OSTN: variants seen among roughly 807,000 people sequenced by gnomAD.
OSTN encodes the protein osteocrin.
A neutral mutation model predicts 12.0 loss-of-function variants in OSTN; 9 were observed. The observed-to-expected ratio is 0.75, with a 90% CI of 0.45 to 1.30. OSTN has a LOEUF of 1.30. Among genes scored for constraint, OSTN ranks in the 50% most tolerant of loss-of-function variants. OSTN has a pLI of 0.00. For synonymous variants in OSTN, 59 were observed against 56.9 expected (o/e 1.04, Z -0.16); for missense variants, 148 against 152.3 (o/e 0.97, Z 0.15).
Position 191,262,868 on chromosome 3 carries a change from G to A in OSTN, c.*15G>A, listed in dbSNP as rs1274625395. 1 of 702,182 alleles carries A rather than the reference G, an allele frequency of 1.4e-6. No individual in the cohort carries two copies. Among genetic ancestry groups the A allele is most frequent in the Non-Finnish European group, 2.6e-6 (1 of 384,484 alleles). 43.5% of individuals were successfully genotyped at this position (702,182 alleles called of 1,614,324 possible). A position where few individuals can be genotyped will look rare whatever the true frequency, so the allele number is the denominator to read the frequency against. On this transcript the variant is annotated splice_region_variant and 3_prime_UTR_variant, in exon 5 of 5. Coordinates refer to ENST00000682035, the MANE Select transcript of OSTN (RefSeq NM_198184.2). ...AATCTCAACTTTCGTTTTTGCAGATGCAACTTCCTTGGGTGAAATGTCACA... is the reference window on the plus strand; with the variant it reads ...AATCTCAACTTTCGTTTTTGCAGATACAACTTCCTTGGGTGAAATGTCACA...
At chr3:191,240,572 A>G (rs79320713) in intron 3 of OSTN, among the ~76,000 whole-genome samples, 1,706 of 152,322 alleles carry the variant, frequency 0.011, 26 homozygotes, top group African/African-American at 0.033. Flanking sequence ...GTTCTCACAC[A>G]CTTTTTGTGC....
intron 3 of OSTN, among the ~76,000 whole-genome samples, chr3:191,241,831 A>G (rs1715328348): frequency 6.6e-6 from 1 of 152,234 alleles, no homozygotes; most frequent in South Asian, 2.1e-4. Context: ...AATAAATAAC[A>G]GAAGGATAAC....
At chr3:191,219,962 C>G (rs543813150) in intron 3 of OSTN, among the ~76,000 whole-genome samples, 1 of 152,158 alleles carries the variant, frequency 6.6e-6, no homozygotes, top group Admixed American at 6.6e-5. Flanking sequence ...ATCCTGTACT[C>G]GGCTAGCAGG....
At chr3:191,224,609 C>A (rs1714863995) in intron 3 of OSTN, among the ~76,000 whole-genome samples, 3 of 151,906 alleles carry the variant, frequency 2.0e-5, no homozygotes, top group Non-Finnish European at 4.4e-5. Context: ...GACAAACAAA[C>A]CTTAGGATAT....
At chr3:191,219,551 A>G (rs1462774137) in intron 3 of OSTN, among the ~76,000 whole-genome samples, 1 of 152,220 alleles carries the variant, frequency 6.6e-6, no homozygotes, top group African/African-American at 2.4e-5. Flanking sequence ...AATCAAATGT[A>G]AGTGCTTCAT....
chr3:191,211,282 A>G (rs1714410926), intron 1 of OSTN, among the ~76,000 whole-genome samples: 1 of 152,206 alleles, frequency 6.6e-6, no homozygotes, highest in Non-Finnish European at 1.5e-5. Flanking sequence ...TGTTTTTTTG[A>G]AATCCATGCA....
At chr3:191,199,611 C>T (rs2108586061) in intron 1 of OSTN, among the ~76,000 whole-genome samples, 1 of 152,042 alleles carries the variant, frequency 6.6e-6, no homozygotes, top group African/African-American at 2.4e-5. Context: ...CGTTATTTTG[C>T]TTTCCTCAAA....
At chr3:191,260,877 C>T (rs1046464950) in intron 4 of OSTN, among the ~76,000 whole-genome samples, 1 of 152,156 alleles carries the variant, frequency 6.6e-6, no homozygotes, top group Non-Finnish European at 1.5e-5. Context: ...AGAGATCAAA[C>T]AATATGAATA....
At chr3:191,261,725 T>C (rs1715814660) in intron 4 of OSTN, among the ~76,000 whole-genome samples, 1 of 152,254 alleles carries the variant, frequency 6.6e-6, no homozygotes, top group Admixed American at 6.5e-5. Flanking sequence ...GAAAGGACGA[T>C]AATTTGCTAT....
chr3:191,241,577 C>T (rs543422268), intron 3 of OSTN, among the ~76,000 whole-genome samples: 1 of 152,080 alleles, frequency 6.6e-6, no homozygotes, highest in Non-Finnish European at 1.5e-5. Context: ...GAACATTTTC[C>T]ACACTCTGAT....
intron 3 of OSTN, among the ~76,000 whole-genome samples, chr3:191,236,199 T>G (rs1184502847): frequency 6.6e-6 from 1 of 152,174 alleles, no homozygotes. Flanking sequence ...ACATACTTTC[T>G]CTCTTTCTGT....
At chr3:191,256,700 A>G (rs1359033216) in intron 4 of OSTN, among the ~76,000 whole-genome samples, 2 of 151,870 alleles carry the variant, frequency 1.3e-5, no homozygotes, top group Non-Finnish European at 2.9e-5. Context: ...CTATATTAAA[A>G]GATTATTCAA....
At chr3:191,206,309 C>A (rs1260201668) in intron 1 of OSTN, among the ~76,000 whole-genome samples, 1 of 152,026 alleles carries the variant, frequency 6.6e-6, no homozygotes, top group Non-Finnish European at 1.5e-5. Context: ...ATAAGCATAT[C>A]AATTTAATTG....
Position 191,218,901 on chromosome 3 carries a change from G to T in OSTN, c.257G>T (p.Gly86Val). The T allele has an allele frequency of 1.2e-6, 2 of 1,614,116 alleles. No individual in the cohort carries two copies. The highest frequency in any genetic ancestry group is 1.7e-6 in the Non-Finnish European group (2 of 1,179,992). The change falls in exon 3 of 5, where the codon GGT (glycine) becomes GTT (valine). Residue 86 changes from glycine to valine, a missense_variant. Gly to Val is a moderately radical substitution (Grantham distance 109, BLOSUM62 -3). Coordinates refer to ENST00000682035, the MANE Select transcript of OSTN (RefSeq NM_198184.2). ...IETKKKRSFS[G>V]FGSPLDRLSA... is the part of the protein sequence containing the mutation. Reference sequence around the variant, plus strand: ...ACAAAGAAGAAAAGGAGTTTCTCTGGTTTTGGGTCTCCCCTTGACAGACTC... The same window carrying T: ...ACAAAGAAGAAAAGGAGTTTCTCTGTTTTTGGGTCTCCCCTTGACAGACTC...
intron 3 of OSTN, among the ~76,000 whole-genome samples, chr3:191,237,639 C>T (rs187891788): frequency 2.0e-4 from 31 of 152,314 alleles, no homozygotes; most frequent in Non-Finnish European, 1.0e-4. Flanking sequence ...TTAAATGCCA[C>T]CTTTTGACCT....
chr3:191,209,603 A>G (rs1714367828), intron 1 of OSTN, among the ~76,000 whole-genome samples: 2 of 152,252 alleles, frequency 1.3e-5, no homozygotes, highest in Admixed American at 1.3e-4. Context: ...GCATGTCAAA[A>G]TTATATTTGA....
At chr3:191,223,698 A>G (rs1714828193) in intron 3 of OSTN, among the ~76,000 whole-genome samples, 1 of 152,170 alleles carries the variant, frequency 6.6e-6, no homozygotes, top group Non-Finnish European at 1.5e-5. Flanking sequence ...TTATTATATA[A>G]AAATATTAAT....
chr3:191,228,048 G>T (rs1018753951), intron 3 of OSTN, among the ~76,000 whole-genome samples: 1 of 151,966 alleles, frequency 6.6e-6, no homozygotes, highest in Non-Finnish European at 1.5e-5. Context: ...AACTATCTCA[G>T]AATAGCAATA....
intron 3 of OSTN, among the ~76,000 whole-genome samples, chr3:191,231,868 A>G (rs1475037901): frequency 2.0e-5 from 3 of 152,202 alleles, no homozygotes; most frequent in Non-Finnish European, 4.4e-5. Flanking sequence ...CCCTTCTCAG[A>G]GTATTGTTTT....
Sources: allele counts gnomAD v4.1 joint callset (sites outside exome capture counted in the v4.1 genomes callset), GRCh38; gene constraint gnomAD v4.1.1; transcripts MANE v1.5; gene names NCBI Gene and HGNC (gene_info 2026-07-23, HGNC 2026-07-21).